Variants in PDE12 observed in about 807,000 individuals in gnomAD.
PDE12 encodes 2',5'-phosphodiesterase 12.
In PDE12, 26 loss-of-function variants were observed where a neutral mutation model predicts 45.4. The ratio of observed to expected loss-of-function variants is 0.57; its 90% CI spans 0.42 to 0.79. PDE12 has a LOEUF of 0.79. Among genes scored for constraint, PDE12 ranks in the 30% least tolerant of loss-of-function variants. The pLI, the probability that PDE12 is intolerant of heterozygous loss-of-function variation, is 0.00. For synonymous variants in PDE12, 283 were observed against 323.9 expected (o/e 0.87, Z 1.36); for missense variants, 668 against 790.0 (o/e 0.85, Z 1.85).
At chr3:57,626,710 A>C in the PDE12 span, 1 of 144,760 alleles carries the variant, frequency 6.9e-6, no homozygotes, top group East Asian at 2.0e-4. Context: ...ACTCCATCTC[A>C]AAAAAAAAAA....
the PDE12 span, among the ~76,000 whole-genome samples, chr3:57,585,955 T>G: frequency 1.3e-5 from 2 of 152,054 alleles, no homozygotes; most frequent in Non-Finnish European, 2.9e-5. Context: ...AACCACTGTG[T>G]CCGGCCTAAA....
chr3:57,587,940 A>C, the PDE12 span, among the ~76,000 whole-genome samples: 1 of 152,356 alleles, frequency 6.6e-6, no homozygotes, highest in African/African-American at 2.4e-5. Context: ...TATAAGCTTT[A>C]ATGCACGAAT....
At chr3:57,628,206 G>A in the PDE12 span, 6 of 1,609,212 alleles carry the variant, frequency 3.7e-6, no homozygotes, top group Middle Eastern at 1.6e-4. Context: ...GGAAAATCTT[G>A]GCAAATATCA....
the PDE12 span, among the ~76,000 whole-genome samples, chr3:57,595,964 A>AT: frequency 6.6e-6 from 1 of 151,598 alleles, no homozygotes. Context: ...AAAAAAAAAA[A>AT]GGAAGAGAAA....
chr3:57,592,030 C>T, the PDE12 span, among the ~76,000 whole-genome samples: 1 of 152,150 alleles, frequency 6.6e-6, no homozygotes, highest in Non-Finnish European at 1.5e-5. Context: ...GAACTGTACA[C>T]TTTAACAGGG....
downstream of PDE12, among the ~76,000 whole-genome samples, chr3:57,569,374 G>A: frequency 6.6e-6 from 1 of 152,100 alleles, no homozygotes; most frequent in South Asian, 2.1e-4. Flanking sequence ...ATTATTTTGA[G>A]ACGGAGTTTC....
At chr3:57,591,174 G>C in the PDE12 span, among the ~76,000 whole-genome samples, 1 of 152,256 alleles carries the variant, frequency 6.6e-6, no homozygotes, top group Admixed American at 6.5e-5. Flanking sequence ...TCCTCAAAAT[G>C]TTCAAGACGG....
chr3:57,647,235 G>A, the PDE12 span, among the ~76,000 whole-genome samples: 3 of 152,074 alleles, frequency 2.0e-5, no homozygotes, highest in Non-Finnish European at 4.4e-5. Context: ...ATTATGAGAT[G>A]GAAATTAGGG....
chr3:57,593,669 A>G, the PDE12 span, among the ~76,000 whole-genome samples: 1 of 152,350 alleles, frequency 6.6e-6, no homozygotes, highest in East Asian at 1.9e-4. Context: ...ATTTTTGGAT[A>G]TATACATAAT....
the PDE12 span, among the ~76,000 whole-genome samples, chr3:57,577,592 T>C: frequency 9.3e-4 from 142 of 152,298 alleles, no homozygotes; most frequent in African/African-American, 3.2e-3. Context: ...ATCTAAAAAA[T>C]TTTTATTCTT....
At chr3:57,608,343 A>C in the PDE12 span, among the ~76,000 whole-genome samples, 1 of 152,182 alleles carries the variant, frequency 6.6e-6, no homozygotes, top group South Asian at 2.1e-4. Context: ...TGAGCAAAAT[A>C]ACCAGCTAAC....
the PDE12 span, chr3:57,634,815 A>G: frequency 1.9e-5 from 27 of 1,425,498 alleles, no homozygotes; most frequent in African/African-American, 3.1e-4. Flanking sequence ...CTAATCATAC[A>G]TATTACAAAA....
the PDE12 span, among the ~76,000 whole-genome samples, chr3:57,644,744 G>A: frequency 1.4e-4 from 1 of 6,968 alleles, no homozygotes; most frequent in Non-Finnish European, 2.6e-4. Context: ...GGGAGGGGAG[G>A]GGTGGGGAGG....
At chr3:57,604,870 C>T in the PDE12 span, among the ~76,000 whole-genome samples, 3 of 152,080 alleles carry the variant, frequency 2.0e-5, no homozygotes, top group South Asian at 6.3e-4. Context: ...ACCTCAGCCT[C>T]CCGAAGTATT....
chr3:57,636,235 G>C, the PDE12 span, among the ~76,000 whole-genome samples: 1 of 152,150 alleles, frequency 6.6e-6, no homozygotes, highest in Non-Finnish European at 1.5e-5. Flanking sequence ...CAGTTTTGCA[G>C]AGAAGCTGCC....
the PDE12 span, among the ~76,000 whole-genome samples, chr3:57,635,872 C>G: frequency 2.0e-5 from 3 of 152,234 alleles, no homozygotes; most frequent in South Asian, 6.2e-4. Context: ...GTTAGCAAGA[C>G]CATTCCCTCC....
chr3:57,646,833 T>C, the PDE12 span, among the ~76,000 whole-genome samples: 2 of 152,212 alleles, frequency 1.3e-5, no homozygotes, highest in Admixed American at 6.5e-5. Flanking sequence ...AGGGCACTTA[T>C]TGGATATACT....
chr3:57,557,539 G>C lies in PDE12; in HGVS notation c.1160G>C (p.Arg387Pro), dbSNP rs767425549. The C allele has an allele frequency of 1.9e-6, 3 of 1,614,094 alleles. No individual in the cohort carries two copies. The highest frequency in any genetic ancestry group is 8.5e-7 in the Non-Finnish European group (1 of 1,180,028). The change falls in exon 1 of 3, where the codon CGA becomes CCA. Residue 387 changes from arginine (R) to proline (P), a missense_variant. Around this residue, in one of 3 missense-constraint regions of PDE12, gnomAD observed 580 missense variants for 662.9 expected, o/e 0.87. Transcript: ENST00000311180. ...KQHEGLATFY[R>P]KSKFSLLSQH... ...CACGAAGGCCTGGCCACTTTCTACC[G>C]AAAGTCTAAGTTCAGCCTTCTTAGC...
At position 57,561,952 on chromosome 3, in the gene PDE12, A is replaced by G; in HGVS notation, c.*1948A>G. ...AAACTATAAATAAAAAATTGATGCT[A>G]CCAAATTGTGCCTTCCTAAATAACA... is the stretch of plus-strand genomic sequence containing the variant. On this transcript the variant is annotated 3_prime_UTR_variant, in exon 3 of 3. Transcript: ENST00000311180. 1 of 984,806 alleles carries G rather than the reference A, an allele frequency of 1.0e-6. No individual in the cohort carries two copies. Among genetic ancestry groups the G allele is most frequent in the Non-Finnish European group, 1.2e-6 (1 of 829,338 alleles). The allele number at this position is 984,806 out of a possible 1,614,324, so 61.0% of individuals were successfully genotyped here. A position where few individuals can be genotyped will look rare whatever the true frequency, so the allele number is the denominator to read the frequency against.
Sources: allele counts gnomAD v4.1 joint callset (sites outside exome capture counted in the v4.1 genomes callset), GRCh38; gene constraint gnomAD v4.1.1; regional missense constraint gnomAD v4.1.1; transcripts MANE v1.5; gene names NCBI Gene and HGNC (gene_info 2026-07-23, HGNC 2026-07-21).